DCDC1: variants seen among roughly 807,000 people sequenced by gnomAD.
The protein encoded by DCDC1 is doublecortin domain containing 1, also known as doublecortin domain-containing protein 1.
DCDC1 carries 200 observed loss-of-function variants against 178.3 expected under a neutral mutation model. That is an observed-to-expected ratio of 1.12 (90% CI 1.00 to 1.26). The LOEUF (loss-of-function observed/expected upper bound fraction) is 1.26. Among genes scored for constraint, DCDC1 ranks in the 50% most tolerant of loss-of-function variants. The probability of loss-of-function intolerance (pLI) is 0.00; values close to 1 mark genes in which losing one functional copy is unlikely to be tolerated. For missense variants in DCDC1, 1,983 were observed against 1,749.2 expected (o/e 1.13, Z -2.38); for synonymous variants, 690 against 604.8 (o/e 1.14, Z -2.07).
intron 9 of DCDC1, among the ~76,000 whole-genome samples, chr11:31,206,787 A>G (rs765671519): frequency 1.1e-4 from 16 of 152,190 alleles, no homozygotes; most frequent in Non-Finnish European, 2.1e-4. Context: ...GAAAAGATGA[A>G]TTCCCTATTT....
At chr11:31,041,630 A>G (rs1413107465) in intron 20 of DCDC1, among the ~76,000 whole-genome samples, 3 of 152,198 alleles carry the variant, frequency 2.0e-5, no homozygotes, top group Admixed American at 1.3e-4. Flanking sequence ...TATATTTACT[A>G]TACTGGCACT....
intron 6 of DCDC1, among the ~76,000 whole-genome samples, chr11:31,295,400 G>A (rs1030827443): frequency 6.6e-6 from 1 of 152,096 alleles, no homozygotes; most frequent in African/African-American, 2.4e-5. Flanking sequence ...CTTTTAGCAG[G>A]CTAGTGCACC....
chr11:31,305,550 T>C, intron 6 of DCDC1, 65 bp downstream of exon 6: 1 of 1,539,080 alleles, frequency 6.5e-7, no homozygotes, highest in Non-Finnish European at 8.8e-7. Flanking sequence ...AAAATCATTT[T>C]TTAATTGCAC....
At chr11:30,991,980 C>T (rs1313417877) in intron 20 of DCDC1, among the ~76,000 whole-genome samples, 1 of 152,074 alleles carries the variant, frequency 6.6e-6, no homozygotes, top group Non-Finnish European at 1.5e-5. Context: ...TGCTTGAGGC[C>T]TAGTATGTGC....
chr11:31,347,261 T>C (rs1950862915), intron 1 of DCDC1, among the ~76,000 whole-genome samples: 1 of 152,190 alleles, frequency 6.6e-6, no homozygotes, highest in African/African-American at 2.4e-5. Flanking sequence ...TTCTCATAAT[T>C]CCTTCACAGT....
intron 20 of DCDC1, among the ~76,000 whole-genome samples, chr11:31,014,982 C>G (rs1345307977): frequency 1.3e-5 from 2 of 148,984 alleles, no homozygotes; most frequent in Non-Finnish European, 3.0e-5. Flanking sequence ...GAGTCTCGCT[C>G]TGTCGCCCGG....
intron 9 of DCDC1, among the ~76,000 whole-genome samples, chr11:31,224,513 T>C (rs1180281988): frequency 6.6e-6 from 1 of 151,970 alleles, no homozygotes; most frequent in Non-Finnish European, 1.5e-5. Context: ...AAATAGGATC[T>C]AATTAAACTA....
intron 20 of DCDC1, among the ~76,000 whole-genome samples, chr11:30,969,622 C>A (rs1462726148): frequency 6.6e-6 from 1 of 152,164 alleles, no homozygotes; most frequent in East Asian, 1.9e-4. Flanking sequence ...TAAATTCCAA[C>A]AGTAATTGCT....
At chr11:31,139,224 A>C (rs1342674739) in intron 9 of DCDC1, among the ~76,000 whole-genome samples, 3 of 152,212 alleles carry the variant, frequency 2.0e-5, no homozygotes, top group Non-Finnish European at 4.4e-5. Context: ...TTTAAAAAAC[A>C]ACAATAACAA....
At chr11:31,337,428 G>A (rs1950328486) in intron 1 of DCDC1, among the ~76,000 whole-genome samples, 1 of 152,232 alleles carries the variant, frequency 6.6e-6, no homozygotes, top group African/African-American at 2.4e-5. Flanking sequence ...CGACACTGTG[G>A]GAGGCTGAAG....
chr11:31,329,953 T>C (rs1949876692), intron 2 of DCDC1, among the ~76,000 whole-genome samples: 1 of 152,228 alleles, frequency 6.6e-6, no homozygotes, highest in Non-Finnish European at 1.5e-5. Context: ...TTTCTAGTTC[T>C]AGATCCTTGA....
chr11:31,110,298 A>G lies in DCDC1; in HGVS notation c.1549T>C (p.Ser517Pro), dbSNP rs770703163. The G allele has an allele frequency of 8.4e-6, 6 of 714,608 alleles. No homozygotes were observed. The highest frequency in any genetic ancestry group is 1.5e-5 in the Non-Finnish European group (6 of 389,418). 44.3% of individuals were successfully genotyped at this position (714,608 alleles called of 1,614,324 possible). ...TGGTCAGTTTGAATTGGGCTATCCG[A>G]TCCCAAATCTTTTTTACTGATACCA... ...SVGISKKDLG[S>P]DSPIQTDHMM... The change falls in exon 12 of 39, where the codon TCG (serine) becomes CCG (proline). Residue 517 changes from serine (S) to proline (P), a missense_variant. Physicochemically the swap from Ser to Pro is moderately conservative, Grantham distance 74. Coordinates refer to ENST00000684477, the MANE Select transcript of DCDC1 (RefSeq NM_001387274.1).
rs1233925348 is a variant in DCDC1 at position 31,248,336 on chromosome 11, G to A, written c.1055-6720C>T. Among the ~76,000 whole-genome samples, 10 of 151,960 alleles carry A rather than the reference G, an allele frequency of 6.6e-5. No homozygotes were observed. In the East Asian group the frequency reaches 1.7e-3, roughly 26 times the overall value. On this transcript the variant is annotated intron_variant, in intron 8 of 38. Transcript: ENST00000684477. ...GTAATAGAAAACAAAGTAAAACATA[G>A]GAATAAGATCAATTACACAAAGCAC...
intron 32 of DCDC1, among the ~76,000 whole-genome samples, chr11:30,900,910 T>C (rs1391852733): frequency 6.6e-6 from 1 of 152,138 alleles, no homozygotes; most frequent in Non-Finnish European, 1.5e-5. Flanking sequence ...CTGTTTCTTT[T>C]TTTAAAAGAA....
chr11:31,007,624 T>C (rs951405127), intron 20 of DCDC1, among the ~76,000 whole-genome samples: 1 of 152,104 alleles, frequency 6.6e-6, no homozygotes, highest in African/African-American at 2.4e-5. Flanking sequence ...TCAAGTCACT[T>C]GGGATCATGG....
intron 38 of DCDC1, among the ~76,000 whole-genome samples, chr11:30,873,337 G>GTGTATA (rs1554953024): frequency 7.2e-6 from 1 of 138,312 alleles, no homozygotes; most frequent in African/African-American, 2.9e-5. Context: ...AAATGTGTGT[G>GTGTATA]TATATACATA....
intron 20 of DCDC1, among the ~76,000 whole-genome samples, chr11:31,026,504 C>T (rs1953245263): frequency 6.6e-6 from 1 of 151,738 alleles, no homozygotes; most frequent in Admixed American, 6.6e-5. Context: ...TGTGACTACA[C>T]ATGAGAGAAC....
At chr11:31,045,588 A>C (rs1413543913) in intron 20 of DCDC1, among the ~76,000 whole-genome samples, 1 of 152,140 alleles carries the variant, frequency 6.6e-6, no homozygotes, top group African/African-American at 2.4e-5. Context: ...AAACATTAAC[A>C]CAATTGCTGT....
intron 3 of DCDC1, among the ~76,000 whole-genome samples, chr11:31,310,422 G>A (rs984956133): frequency 6.9e-6 from 1 of 144,580 alleles, no homozygotes; most frequent in Non-Finnish European, 1.5e-5. Context: ...AGGTTCAAGC[G>A]ATTCTTCTGC....
Sources: gnomAD v4.1 joint callset for allele counts (sites outside exome capture counted in the v4.1 genomes callset) on GRCh38, gnomAD v4.1.1 for gene constraint, MANE v1.5 for transcripts, NCBI Gene and HGNC (gene_info 2026-07-23, HGNC 2026-07-21) for gene names.